Variants in NDP observed in about 807,000 individuals in gnomAD.
The protein encoded by NDP is norrin cystine knot growth factor NDP.
A neutral mutation model predicts 8.4 loss-of-function variants in NDP; 2 were observed. The ratio of observed to expected loss-of-function variants is 0.24; its 90% confidence interval spans 0.10 to 0.75. The LOEUF (loss-of-function observed/expected upper bound fraction) is 0.75. NDP is among the 30% of genes least tolerant of loss of function. The pLI is 0.73. For missense variants in NDP, 81 were observed against 110.1 expected (o/e 0.74, Z 1.18); for synonymous variants, 55 against 45.6 (o/e 1.21, Z -0.83).
intron 1 of NDP, among the ~76,000 whole-genome samples, chrX:43,961,508 A>G (rs1441712498): frequency 8.9e-6 from 1 of 112,354 alleles, no homozygotes. Context: ...GAGAGAGATA[A>G]AAACACATAT....
chrX:43,953,223 A>C (rs2035772889), intron 2 of NDP: 1 of 111,585 alleles, frequency 9.0e-6, no homozygotes, highest in Admixed American at 9.5e-5. Flanking sequence ...TTGAAAGATA[A>C]GATCCTTAAG....
intron 1 of NDP, among the ~76,000 whole-genome samples, chrX:43,961,416 C>G (rs1244855480): frequency 1.8e-5 from 2 of 112,267 alleles, no homozygotes. Flanking sequence ...TAATTATATT[C>G]TAAAATGTTC....
chrX:43,965,083 T>A (rs1482748525), intron 1 of NDP, among the ~76,000 whole-genome samples: 1 of 112,066 alleles, frequency 8.9e-6, no homozygotes. Context: ...GTGCTTGCCA[T>A]GTACTAAATA....
intron 1 of NDP, among the ~76,000 whole-genome samples, chrX:43,964,026 C>T (rs1343109386): frequency 8.9e-6 from 1 of 111,854 alleles, no homozygotes; most frequent in Non-Finnish European, 1.9e-5. Flanking sequence ...GTTCTTGCTC[C>T]TTTCATCTCA....
intron 2 of NDP, among the ~76,000 whole-genome samples, chrX:43,951,694 T>C (rs1366206008): frequency 1.8e-5 from 2 of 111,434 alleles, no homozygotes; most frequent in Middle Eastern, 4.6e-3. Context: ...AGATGAATTC[T>C]GGTAATTATA....
At chrX:43,970,454 A>G (rs1281012406) in intron 1 of NDP, among the ~76,000 whole-genome samples, 1 of 111,742 alleles carries the variant, frequency 8.9e-6, no homozygotes, top group Non-Finnish European at 1.9e-5. Context: ...TTTTAATCCA[A>G]CCACGGGGGA....
intron 1 of NDP, among the ~76,000 whole-genome samples, chrX:43,966,224 G>A (rs996883469): frequency 4.5e-5 from 5 of 111,667 alleles, no homozygotes; most frequent in Non-Finnish European, 7.5e-5. Flanking sequence ...ATGCTTAGGG[G>A]TGGCCTTTCT....
chrX:43,953,853 C>T (rs1223671304), intron 2 of NDP, among the ~76,000 whole-genome samples: 1 of 112,715 alleles, frequency 8.9e-6, no homozygotes, highest in Non-Finnish European at 1.9e-5. Context: ...CACAGACTTC[C>T]TTATCTACAT....
intron 1 of NDP, chrX:43,960,656 G>A (rs987064433): frequency 5.3e-5 from 6 of 112,339 alleles, no homozygotes; most frequent in Non-Finnish European, 1.1e-4. Context: ...ACTTTCAGAG[G>A]ATGAAATATT....
In NDP at chrX:43,958,430, T is replaced by A. The variant is rs112278531; in HGVS notation, c.174+42A>T. On this transcript the variant is annotated intron_variant, in intron 2 of 2. Coordinates refer to ENST00000642620, the MANE Select transcript of NDP (RefSeq NM_000266.4). ...ACAAAGAAATATGGCTTCTTGCCTGTTTCTGAGGGAAATGCTCTCCTCACA... is the reference window on the plus strand; with the variant it reads ...ACAAAGAAATATGGCTTCTTGCCTGATTCTGAGGGAAATGCTCTCCTCACA... 3 of 1,190,309 alleles carry A rather than the reference T, an allele frequency of 2.5e-6. No homozygotes were observed. In the Admixed American group the frequency reaches 6.5e-5, roughly 26 times the overall value.
chrX:43,953,733 A>C (rs1444391696), intron 2 of NDP, among the ~76,000 whole-genome samples: 1 of 113,409 alleles, frequency 8.8e-6, no homozygotes, highest in African/African-American at 3.2e-5. Context: ...CATAGGTGGT[A>C]AAATGCAGAG....
intron 2 of NDP, 172 bp from the exon 3 acceptor site, chrX:43,950,198 G>T (rs994000456): frequency 8.5e-6 from 4 of 468,396 alleles, no homozygotes; most frequent in South Asian, 6.2e-5. Flanking sequence ...CATTCAGATC[G>T]ATTGAATTAA....
chrX:43,964,939 G>C (rs1242306856), intron 1 of NDP, among the ~76,000 whole-genome samples: 1 of 112,035 alleles, frequency 8.9e-6, no homozygotes, highest in Non-Finnish European at 1.9e-5. Flanking sequence ...CTTACTTAAG[G>C]AGTTAATGAT....
chrX:43,965,813 G>A (rs1166612078), intron 1 of NDP, among the ~76,000 whole-genome samples: 2 of 111,762 alleles, frequency 1.8e-5, no homozygotes, highest in African/African-American at 6.5e-5. Flanking sequence ...GGGGTCAAGA[G>A]CGAGGCCCTG....
intron 1 of NDP, among the ~76,000 whole-genome samples, chrX:43,959,305 C>T (rs749463600): frequency 3.6e-5 from 4 of 111,473 alleles, no homozygotes; most frequent in African/African-American, 9.8e-5. Context: ...TGAACACAAG[C>T]CATGTCCCAC....
intron 2 of NDP, among the ~76,000 whole-genome samples, chrX:43,953,581 TA>T (rs2035774857): frequency 8.9e-6 from 1 of 112,658 alleles, no homozygotes; most frequent in Non-Finnish European, 1.9e-5. Context: ...ATTTCGCTAA[TA>T]AGAACATTTA....
chrX:43,954,826 T>C (rs2035783141), intron 2 of NDP, among the ~76,000 whole-genome samples: 1 of 111,124 alleles, frequency 9.0e-6, no homozygotes, highest in Admixed American at 9.6e-5. Context: ...CCTGCTCCTG[T>C]GGCCCTTACC....
chrX:43,956,713 T>C (rs2035795072), intron 2 of NDP, among the ~76,000 whole-genome samples: 1 of 112,062 alleles, frequency 8.9e-6, no homozygotes, highest in Non-Finnish European at 1.9e-5. Flanking sequence ...TTTGGGATAG[T>C]TTGGGATGTT....
chrX:43,951,242 G>A (rs1290057765), intron 2 of NDP, among the ~76,000 whole-genome samples: 1 of 107,710 alleles, frequency 9.3e-6, no homozygotes, highest in East Asian at 2.9e-4. Flanking sequence ...GCATGACCGT[G>A]TCTCTAAAAA....
Sources: allele counts gnomAD v4.1 joint callset (sites outside exome capture counted in the v4.1 genomes callset), GRCh38; gene constraint gnomAD v4.1.1; transcripts MANE v1.5; gene names NCBI Gene and HGNC (gene_info 2026-07-23, HGNC 2026-07-21).